Variants in IL12B observed in about 807,000 individuals in gnomAD.
The protein encoded by IL12B is interleukin-12 subunit beta.
IL12B carries 27 observed loss-of-function variants against 39.2 expected under a neutral mutation model. The observed-to-expected ratio is 0.69, with a 90% CI of 0.51 to 0.95. The LOEUF (loss-of-function observed/expected upper bound fraction) is 0.95, where lower values mean the gene tolerates loss of function less well. IL12B is among the 40% of genes least tolerant of loss of function. IL12B has a pLI of 0.00. For synonymous variants in IL12B, 142 were observed against 152.1 expected, an observed-to-expected ratio of 0.93 and a Z score of 0.49; for missense variants, 351 against 397.6, an observed-to-expected ratio of 0.88 and a Z score of 1.00.
chr5:159,318,698 C>G (rs1176634294), intron 6 of IL12B, 38 bp downstream of exon 6: 1 of 1,607,554 alleles, frequency 6.2e-7, no homozygotes, highest in Admixed American at 1.7e-5. Flanking sequence ...CTCCGTAAAA[C>G]TGACCAAGGA....
At chr5:159,317,039 C>T (rs149957653) in intron 6 of IL12B, among the ~76,000 whole-genome samples, 12 of 152,194 alleles carry the variant, frequency 7.9e-5, no homozygotes, top group Admixed American at 2.6e-4. Context: ...AGGGAGAAAT[C>T]GTTTGGCCCA....
intron 6 of IL12B, among the ~76,000 whole-genome samples, chr5:159,318,320 A>G (rs778220571): frequency 3.3e-5 from 5 of 152,254 alleles, no homozygotes; most frequent in Non-Finnish European, 7.3e-5. Context: ...AAAAGTAATT[A>G]TGCATCACAT....
intron 7 of IL12B, among the ~76,000 whole-genome samples, chr5:159,316,435 C>T (rs1753990709): frequency 6.6e-6 from 1 of 152,208 alleles, no homozygotes; most frequent in Admixed American, 6.5e-5. Flanking sequence ...TTTTCTTTGC[C>T]TTTCTCTTTA....
At chr5:159,329,413 G>GT (rs567332406) in intron 1 of IL12B, among the ~76,000 whole-genome samples, 47 of 152,260 alleles carry the variant, frequency 3.1e-4, no homozygotes, top group South Asian at 1.5e-3. Flanking sequence ...TTCACGTGAA[G>GT]TGTCATGGTG....
In IL12B at chr5:159,315,887, G is replaced by C. The variant is rs1753981206; in HGVS notation, c.*214C>G. ...AGCATGAAGGCCCATGGCAACTTGA[G>C]AGCTGGAAAATCTATACATAAATTA... On this transcript the variant is annotated 3_prime_UTR_variant, in exon 8 of 8. Coordinates refer to ENST00000231228, the MANE Select transcript of IL12B (RefSeq NM_002187.3). 1 of 152,432 alleles carries C rather than the reference G, an allele frequency of 6.6e-6. No homozygotes were observed. The highest frequency in any genetic ancestry group is 1.5e-5 in the Non-Finnish European group (1 of 68,044). 9.4% of individuals were successfully genotyped at this position (152,432 alleles called of 1,614,324 possible). A position where few individuals can be genotyped will look rare whatever the true frequency, so the allele number is the denominator to read the frequency against.
At position 159,323,170 on chromosome 5, in the gene IL12B, C is replaced by T; in HGVS notation, c.248G>A (p.Gly83Glu). 1 of 1,614,154 alleles carries T rather than the reference C, an allele frequency of 6.2e-7. No individual in the cohort carries two copies. The highest frequency in any genetic ancestry group is 2.2e-5 in the East Asian group (1 of 44,882). Residue 83 changes from glycine to glutamate, a missense_variant, in exon 3 of 8, where the codon GGA becomes GAA. By Grantham distance (98) the Gly-to-Glu change is moderately conservative. Transcript: ENST00000231228. Reference protein sequence around the residue: ...KTLTIQVKEFGDAGQYTCHKG... With the variant: ...KTLTIQVKEFEDAGQYTCHKG... ...GTGACAGGTGTACTGGCCAGCATCT[C>T]CAAACTCTTTGACTTGGATGGTCAG...
intron 1 of IL12B, 96 bp from the exon 2 acceptor site, chr5:159,326,878 C>A: frequency 3.6e-6 from 3 of 825,738 alleles, no homozygotes; most frequent in East Asian, 2.5e-5. Flanking sequence ...TTCTTGTTAC[C>A]TTTGTGAACC....
At chr5:159,316,593 C>A in intron 7 of IL12B, 92 bp downstream of exon 7, 2 of 1,390,638 alleles carry the variant, frequency 1.4e-6, no homozygotes, top group South Asian at 2.4e-5. Flanking sequence ...CACTCCATCC[C>A]CCTTTCCTCT....
chr5:159,327,574 AC>A (rs1324203686), intron 1 of IL12B, among the ~76,000 whole-genome samples: 1 of 152,220 alleles, frequency 6.6e-6, no homozygotes, highest in African/African-American at 2.4e-5. Flanking sequence ...CACTGCTACA[AC>A]AGACGGCTGA....
At chr5:159,329,539 T>C (rs1270044806) in intron 1 of IL12B, among the ~76,000 whole-genome samples, 3 of 152,200 alleles carry the variant, frequency 2.0e-5, no homozygotes, top group Non-Finnish European at 4.4e-5. Context: ...GAGTGAACTC[T>C]CTTATGCCAT....
chr5:159,318,903 A>G lies in IL12B; in HGVS notation c.698-10T>C, dbSNP rs761924828. On this transcript the variant is annotated splice_polypyrimidine_tract_variant and intron_variant, in intron 5 of 7. Transcript: ENST00000231228. ...GGTGGGTCAGGTTTGACTGTGGAAG[A>G]GGATAAACATGCTTTATTTTCCTAA... 1.9e-6 allele frequency: 3 copies of G among 1,612,648 alleles called. No individual in the cohort carries two copies. The East Asian group carries it at 6.7e-5, about 36-fold the overall frequency.
intron 1 of IL12B, among the ~76,000 whole-genome samples, chr5:159,328,340 GAC>G (rs3213086): frequency 0.26 from 40,009 of 151,978 alleles, 5,769 homozygotes; most frequent in East Asian, 0.48. Flanking sequence ...AAGTTAAACA[GAC>G]ACAGGCTTGA....
At chr5:159,322,639 C>G (rs1335910914) in intron 3 of IL12B, 128 bp from the exon 4 acceptor site, 1 of 721,532 alleles carries the variant, frequency 1.4e-6, no homozygotes, top group African/African-American at 1.7e-5. Context: ...TTGGGTAGCT[C>G]CATAAGGATT....
chr5:159,315,942 T>G lies in IL12B; in HGVS notation c.*159A>C, dbSNP rs3212227. ...ATTGTTTCAATGAGCATTTAGCATCTAACTATACAAATACAGCAAAGATAT... is the reference window on the plus strand; with the variant it reads ...ATTGTTTCAATGAGCATTTAGCATCGAACTATACAAATACAGCAAAGATAT... On this transcript the variant is annotated 3_prime_UTR_variant, in exon 8 of 8. Transcript: ENST00000231228. 0.26 allele frequency: 40,263 copies of G among 152,312 alleles called. 5,876 individuals carry two copies. The highest frequency in any genetic ancestry group is 0.46 in the East Asian group (2,437 of 5,306). 9.4% of individuals were successfully genotyped at this position (152,312 alleles called of 1,614,324 possible).
chr5:159,318,772 G>A lies in IL12B; in HGVS notation c.819C>T (p.Phe273=). Residue 273 remains phenylalanine (F), a synonymous_variant, in exon 6 of 8, where the codon TTC becomes TTT. Transcript: ENST00000231228. ...STPHSYFSLT[F]CVQVQGKSKR... ...TGCTCTTGCCCTGGACCTGAACGCA[G>A]AATGTCAGGGAGAAGTAGGAATGTG... The A allele has an allele frequency of 6.2e-7, 1 of 1,614,158 alleles. No individual in the cohort carries two copies. The highest frequency in any genetic ancestry group is 1.1e-5 in the South Asian group (1 of 91,084).
At chr5:159,325,720 T>C (rs1754176155) in intron 2 of IL12B, 1 of 152,228 alleles carries the variant, frequency 6.6e-6, no homozygotes, top group African/African-American at 2.4e-5. Context: ...TAAAATGGGA[T>C]ACAGACAGTC....
intron 1 of IL12B, among the ~76,000 whole-genome samples, chr5:159,328,786 C>T (rs940450203): frequency 1.3e-5 from 2 of 152,192 alleles, no homozygotes; most frequent in Non-Finnish European, 2.9e-5. Flanking sequence ...TTGACAATCT[C>T]AGGTGAACTG....
Position 159,330,464 on chromosome 5 carries a change from C to T in IL12B, c.-33G>A, listed in dbSNP as rs973792953. 5.3e-5 allele frequency: 8 copies of T among 152,306 alleles called. No homozygotes were observed. Among genetic ancestry groups the T allele is most frequent in the African/African-American group, 1.9e-4 (8 of 41,422 alleles). 9.4% of individuals were successfully genotyped at this position (152,306 alleles called of 1,614,324 possible). A position where few individuals can be genotyped will look rare whatever the true frequency, so the allele number is the denominator to read the frequency against. On this transcript the variant is annotated 5_prime_UTR_variant, in exon 1 of 8. Coordinates refer to ENST00000231228, the MANE Select transcript of IL12B (RefSeq NM_002187.3). ...TGGGCAGGACGGAGAGTCCAATGGC[C>T]CTGAAACAGATGTTGTTTCTTCTGC...
intron 3 of IL12B, 47 bp downstream of exon 3, chr5:159,323,007 T>C (rs770556002): frequency 5.0e-6 from 8 of 1,585,254 alleles, no homozygotes; most frequent in Admixed American, 3.3e-5. Context: ...TTTTTAACTC[T>C]TATGAGCGAA....
Sources: allele counts gnomAD v4.1 joint callset (sites outside exome capture counted in the v4.1 genomes callset), GRCh38; gene constraint gnomAD v4.1.1; transcripts MANE v1.5; gene names NCBI Gene and HGNC (gene_info 2026-07-23, HGNC 2026-07-21).